Variants in METRNL observed in about 807,000 individuals in gnomAD.
The protein encoded by METRNL is meteorin-like protein.
In METRNL, 9 loss-of-function variants were observed where a neutral mutation model predicts 17.4. The ratio of observed to expected loss-of-function variants is 0.52; its 90% CI spans 0.31 to 0.90. METRNL has a LOEUF of 0.90. Ranked by LOEUF, METRNL falls within the 40% of genes least tolerant of loss-of-function variation. The pLI, the probability that METRNL is intolerant of heterozygous loss-of-function variation, is 0.05. For missense variants in METRNL, 408 were observed against 430.7 expected (o/e 0.95, Z 0.47); for synonymous variants, 215 against 199.3 (o/e 1.08, Z -0.66).
At chr17:83,084,063 C>G (rs1219467567) in intron 1 of METRNL, 2 of 152,164 alleles carry the variant, frequency 1.3e-5, no homozygotes, top group Non-Finnish European at 2.9e-5. Context: ...GTGTAGCACA[C>G]TTCATTTTTT....
chr17:83,079,661 C>T lies in METRNL; in HGVS notation c.-155C>T. On this transcript the variant is annotated 5_prime_UTR_variant, in exon 1 of 4. Coordinates refer to ENST00000320095, the MANE Select transcript of METRNL (RefSeq NM_001004431.3). Reference sequence around the variant, plus strand: ...GAGCTCTGCGCGCGGCTCCAGCGGGCCGGGATGGGCGGGCGGCCGCGCGGA... The same window carrying T: ...GAGCTCTGCGCGCGGCTCCAGCGGGTCGGGATGGGCGGGCGGCCGCGCGGA... 5.7e-6 allele frequency: 1 copy of T among 175,220 alleles called. No individual in the cohort carries two copies. Among genetic ancestry groups the T allele is most frequent in the Non-Finnish European group, 1.1e-5 (1 of 92,170 alleles). 10.9% of individuals were successfully genotyped at this position (175,220 alleles called of 1,614,324 possible).
Position 83,085,237 on chromosome 17 carries a change from C to T in METRNL, c.470C>T (p.Pro157Leu), listed in dbSNP as rs144099835. The part of the protein sequence containing the change: ...EQGGLFVEAT[P>L]QQDIGRRTTG... ...GGCGGCCTGTTCGTGGAGGCCACGC[C>T]GCAGCAGGATATCGGCCGGAGGACC... The change falls in exon 2 of 4, where the codon CCG becomes CTG. Residue 157 changes from proline (P) to leucine (L), a missense_variant. By Grantham distance (98) the Pro-to-Leu change is moderately conservative (BLOSUM62 -3). Coordinates refer to ENST00000320095, the MANE Select transcript of METRNL (RefSeq NM_001004431.3). The T allele has an allele frequency of 1.1e-4, 181 of 1,588,266 alleles. No individual in the cohort carries two copies. Among genetic ancestry groups the T allele is most frequent in the Middle Eastern group, 3.4e-4 (2 of 5,958 alleles).
In METRNL at chr17:83,085,245, G is replaced by A; in HGVS notation, c.478G>A (p.Asp160Asn). 1 of 1,579,108 alleles carries A rather than the reference G, an allele frequency of 6.3e-7. No individual in the cohort carries two copies. Among genetic ancestry groups the A allele is most frequent in the Non-Finnish European group, 8.6e-7 (1 of 1,161,112 alleles). ...GLFVEATPQQDIGRRTTGFQY... is the reference protein window; with the variant it reads ...GLFVEATPQQNIGRRTTGFQY... ...GTTCGTGGAGGCCACGCCGCAGCAG[G>A]ATATCGGCCGGAGGACCACAGGCTT... The change falls in exon 2 of 4, where the codon GAT (aspartate) becomes AAT (asparagine). Residue 160 changes from aspartate to asparagine, a missense_variant. By Grantham distance (23) the Asp-to-Asn change is conservative. Coordinates refer to ENST00000320095, the MANE Select transcript of METRNL (RefSeq NM_001004431.3).
At position 83,086,655 on chromosome 17, in the gene METRNL, A is replaced by G. The variant is rs899779805; in HGVS notation, c.556+1332A>G. The stretch of plus-strand genomic sequence containing the variant: ...CTTGCAAACATTCTTTCTGCTGATT[A>G]AAGTGGTGATTGGTCTTGAAGACGT... On this transcript the variant is annotated intron_variant, in intron 2 of 3. Transcript: ENST00000320095. Among the ~76,000 whole-genome samples, 24 of 152,198 alleles carry G rather than the reference A, an allele frequency of 1.6e-4. 1 individual carries two copies. The highest frequency in any genetic ancestry group is 1.5e-3 in the Admixed American group (23 of 15,282).
chr17:83,080,730 C>T (rs1210332407), intron 1 of METRNL, among the ~76,000 whole-genome samples: 1 of 150,624 alleles, frequency 6.6e-6, no homozygotes, highest in Admixed American at 6.6e-5. Flanking sequence ...CGGCCGAACC[C>T]GCCCTGCGCG....
At chr17:83,093,317 AGGACAGCCTTCCGGTG>A (rs1568340518) in intron 3 of METRNL, 91 bp downstream of exon 3, 38 of 1,118,290 alleles carry the variant, frequency 3.4e-5, no homozygotes, top group Non-Finnish European at 4.5e-5. Flanking sequence ...TTCAGGGCCC[AGGACAGCCTTCCGGTG>A]CTGCGTGGAC....
chr17:83,083,031 G>A lies in METRNL; in HGVS notation c.171-1907G>A, dbSNP rs11869715. Among the ~76,000 whole-genome samples the A allele has an allele frequency of 9.2e-3, 1,394 of 152,320 alleles. 25 individuals are homozygous for A. Among genetic ancestry groups the A allele is most frequent in the African/African-American group, 0.032 (1,347 of 41,566 alleles). ...ACGTCAGGTGAAGGCCGGGGTAGCCGGGTGTCTTCTTTCTTCTGTGTCCAC... is the reference window on the plus strand; with the variant it reads ...ACGTCAGGTGAAGGCCGGGGTAGCCAGGTGTCTTCTTTCTTCTGTGTCCAC... On this transcript the variant is annotated intron_variant, in intron 1 of 3. Transcript: ENST00000320095.
intron 1 of METRNL, among the ~76,000 whole-genome samples, chr17:83,082,594 G>A (rs996889577): frequency 6.6e-6 from 1 of 152,358 alleles, no homozygotes; most frequent in Non-Finnish European, 1.5e-5. Context: ...TGTGTCACCT[G>A]CATCTCACGT....
chr17:83,083,246 A>G (rs1355180871), intron 1 of METRNL, among the ~76,000 whole-genome samples: 2 of 152,178 alleles, frequency 1.3e-5, no homozygotes, highest in Non-Finnish European at 2.9e-5. Flanking sequence ...GCCTGCTCAG[A>G]TGAAGGCAGT....
intron 3 of METRNL, 29 bp downstream of exon 3, chr17:83,093,255 C>T (rs1568340488): frequency 1.3e-6 from 2 of 1,585,842 alleles, no homozygotes; most frequent in Non-Finnish European, 8.6e-7. Flanking sequence ...GCTTCTACCT[C>T]CTGTGCTCCT....
intron 1 of METRNL, 108 bp downstream of exon 1, chr17:83,080,093 G>A: frequency 1.9e-6 from 1 of 528,632 alleles, no homozygotes; most frequent in Non-Finnish European, 2.4e-6. Context: ...CGCGGGGCAG[G>A]GGCTCCGGGG....
intron 2 of METRNL, among the ~76,000 whole-genome samples, chr17:83,087,005 C>CT (rs1448344881): frequency 1.3e-5 from 2 of 152,092 alleles, no homozygotes; most frequent in Non-Finnish European, 2.9e-5. Context: ...GCTGAGCTGC[C>CT]TTGGGGTCCT....
chr17:83,092,692 G>T (rs2038154012), intron 2 of METRNL, among the ~76,000 whole-genome samples: 1 of 152,008 alleles, frequency 6.6e-6, no homozygotes, highest in African/African-American at 2.4e-5. Context: ...GTGGGTTGGG[G>T]GTGACTCTTG....
chr17:83,093,001 G>A (rs112036212), intron 2 of METRNL, among the ~76,000 whole-genome samples, 166 bp from the exon 3 acceptor site: 9,046 of 152,232 alleles, frequency 0.059, 289 homozygotes, highest in African/African-American at 0.081. Context: ...CCTCCAGCAC[G>A]TGCCGCCAAC....
rs1476434448 is a variant in METRNL at position 83,079,751 on chromosome 17, C to T, written c.-65C>T. 7 of 811,328 alleles carry T rather than the reference C, an allele frequency of 8.6e-6. No homozygotes were observed. Among genetic ancestry groups the T allele is most frequent in the African/African-American group, 5.7e-5 (3 of 52,994 alleles). The allele number at this position is 811,328 out of a possible 1,614,324, so 50.3% of individuals were successfully genotyped here. On this transcript the variant is annotated 5_prime_UTR_variant, in exon 1 of 4. Coordinates refer to ENST00000320095, the MANE Select transcript of METRNL (RefSeq NM_001004431.3). Reference sequence around the variant, plus strand: ...GCCCGCCCCGCCCCCGCCCGGCTCGCCGGCTCCGGGGTCTGCTCCGGGGGT... The same window carrying T: ...GCCCGCCCCGCCCCCGCCCGGCTCGTCGGCTCCGGGGTCTGCTCCGGGGGT...
intron 1 of METRNL, among the ~76,000 whole-genome samples, chr17:83,081,488 C>T (rs567063386): frequency 1.3e-5 from 2 of 152,222 alleles, no homozygotes; most frequent in South Asian, 4.1e-4. Flanking sequence ...GGTAGGCAGC[C>T]GAGGGTGGCG....
chr17:83,094,148 C>CCACGCT (rs2038172987), intron 3 of METRNL, 108 bp from the exon 4 acceptor site: 1 of 930,346 alleles, frequency 1.1e-6, no homozygotes, highest in African/African-American at 1.7e-5. Flanking sequence ...AGTCGGGGGT[C>CCACGCT]AGCTGCCCGT....
intron 1 of METRNL, among the ~76,000 whole-genome samples, chr17:83,080,575 C>CG (rs913069864): frequency 1.5e-5 from 2 of 133,024 alleles, no homozygotes; most frequent in South Asian, 2.5e-4. Flanking sequence ...ACCCCCCCCC[C>CG]CCCCACCCGC....
At chr17:83,091,042 T>C (rs1178797902) in intron 2 of METRNL, among the ~76,000 whole-genome samples, 1 of 151,516 alleles carries the variant, frequency 6.6e-6, no homozygotes, top group Non-Finnish European at 1.5e-5. Context: ...AGCTTGGGGG[T>C]CAGGAGGCCC....
Sources: allele counts gnomAD v4.1 joint callset (sites outside exome capture counted in the v4.1 genomes callset), GRCh38; gene constraint gnomAD v4.1.1; transcripts MANE v1.5; gene names NCBI Gene and HGNC (gene_info 2026-07-23, HGNC 2026-07-21).